TEX15: variants seen among roughly 807,000 people sequenced by gnomAD.
The protein encoded by TEX15 is testis-expressed protein 15.
Under a neutral mutation model 237.3 loss-of-function variants are expected in TEX15, and 171 were observed. That is an observed-to-expected ratio of 0.72 (90% CI 0.64 to 0.82). The LOEUF (loss-of-function observed/expected upper bound fraction) is 0.82, where lower values mean the gene tolerates loss of function less well. Ranked by LOEUF, TEX15 falls within the 40% of genes least tolerant of loss-of-function variation. The probability of loss-of-function intolerance (pLI) is 0.00; values close to 1 mark genes in which losing one functional copy is unlikely to be tolerated. For missense variants in TEX15, 3,750 were observed against 3,646.5 expected (o/e 1.03, Z -0.73); for synonymous variants, 1,338 against 1,269.8 (o/e 1.05, Z -1.14).
intron 4 of TEX15, among the ~76,000 whole-genome samples, chr8:30,870,331 T>C (rs919441567): frequency 5.3e-5 from 8 of 151,988 alleles, no homozygotes; most frequent in African/African-American, 9.7e-5. Context: ...TACAACAAAG[T>C]ATAAGTGCTT....
rs1372442538 is a variant in TEX15 at position 30,848,010 on chromosome 8, G to A, written c.2157C>T (p.Ser719=). 9.3e-6 allele frequency: 15 copies of A among 1,613,790 alleles called. No individual in the cohort carries two copies. The highest frequency in any genetic ancestry group is 1.2e-5 in the Non-Finnish European group (14 of 1,179,836). The change falls in exon 8 of 11, where the codon AGC becomes AGT. Residue 719 remains serine (S), a synonymous_variant. Coordinates refer to ENST00000643185, the MANE Select transcript of TEX15 (RefSeq NM_001350162.2). ...LEWQITPSFE[S]LSQKHPQHSV... ...AGTGCTGAGGATGCTTTTGTGACAG[G>A]CTCTCAAAACTTGGAGTAATTTGCC...
intron 3 of TEX15, among the ~76,000 whole-genome samples, chr8:30,879,262 G>A (rs997224401): frequency 3.3e-5 from 5 of 151,906 alleles, no homozygotes; most frequent in African/African-American, 9.7e-5. Flanking sequence ...AGAGTCTTTC[G>A]CAGAGCAAAA....
chr8:30,838,138 A>T (rs1248031420), intron 9 of TEX15, 77 bp from the exon 10 acceptor site: 4 of 1,284,942 alleles, frequency 3.1e-6, no homozygotes, highest in Non-Finnish European at 4.2e-6. Context: ...TATATATTTG[A>T]AATTTTTATC....
chr8:30,867,110 T>C (rs1488623368), intron 5 of TEX15, among the ~76,000 whole-genome samples, 155 bp downstream of exon 5: 2 of 151,056 alleles, frequency 1.3e-5, no homozygotes, highest in Non-Finnish European at 3.0e-5. Flanking sequence ...AGGAGAAAAT[T>C]TTGAATAATG....
rs569328891 is a variant in TEX15 at position 30,869,327 on chromosome 8, A to T, written c.303-1825T>A. On this transcript the variant is annotated intron_variant, in intron 4 of 10. Coordinates refer to ENST00000643185, the MANE Select transcript of TEX15 (RefSeq NM_001350162.2). ...AACATGTAATTGAAACTGTGCCCCC[A>T]AGAATTAAAGAAACCATTGACTAGC... Among the ~76,000 whole-genome samples the T allele has an allele frequency of 1.2e-4, 19 of 152,160 alleles. No homozygotes were observed. The East Asian group carries it at 3.5e-3, about 28-fold the overall frequency.
rs977929233 is a variant in TEX15, at chr8:30,882,171, G to T, written c.136+4996C>A. Among the ~76,000 whole-genome samples the T allele has an allele frequency of 2.6e-5, 4 of 152,240 alleles. No individual in the cohort carries two copies. The East Asian group carries it at 7.7e-4, about 29-fold the overall frequency. The stretch of plus-strand genomic sequence containing the variant: ...AAGGTCTCACTATGTTTCCCAGGCT[G>T]GTCTCAAATTCCTAGCCTCAAGCAA... On this transcript the variant is annotated intron_variant, in intron 3 of 10. Transcript: ENST00000643185.
At chr8:30,911,593 G>C (rs576678604) in intron 1 of TEX15, among the ~76,000 whole-genome samples, 16 of 152,268 alleles carry the variant, frequency 1.1e-4, no homozygotes, top group Middle Eastern at 3.4e-3. Flanking sequence ...ACCCCCAAAA[G>C]CAATCAGTGC....
At chr8:30,889,665 G>T (rs1036396128) in intron 2 of TEX15, among the ~76,000 whole-genome samples, 5 of 151,892 alleles carry the variant, frequency 3.3e-5, no homozygotes, top group Admixed American at 6.6e-5. Flanking sequence ...CATTAAATAA[G>T]TTGTGCTCAG....
chr8:30,838,721 TATACACACACAC>T, intron 9 of TEX15, among the ~76,000 whole-genome samples: 1 of 144,548 alleles, frequency 6.9e-6, no homozygotes, highest in South Asian at 2.2e-4. Context: ...CACACACATA[TATACACACACAC>T]ATACACACAT....
In TEX15 at chr8:30,847,156, AT is replaced by A; in HGVS notation, c.3010del (p.Ile1004TyrfsTer18). ...ALSLNNDDHQ[I>X]YQFKETCSSE... The stretch of plus-strand genomic sequence containing the variant: ...AGAACAAGTTTCTTTAAACTGGTAT[AT>A]CTGGTGATCGTCATTATTTAGGCTT... On this transcript the variant is annotated frameshift_variant, in exon 8 of 11. Coordinates refer to ENST00000643185, the MANE Select transcript of TEX15 (RefSeq NM_001350162.2). LOFTEE classifies it high-confidence loss of function. 6.2e-7 allele frequency: 1 copy of A among 1,613,944 alleles called. No individual in the cohort carries two copies. Among genetic ancestry groups the A allele is most frequent in the Non-Finnish European group, 8.5e-7 (1 of 1,179,866 alleles).
rs147135850 is a variant in TEX15 at position 30,835,958 on chromosome 8, ACT to A, written c.9481+843_9481+844del. On this transcript the variant is annotated intron_variant, in intron 10 of 10. Transcript: ENST00000643185. ...GAAATTTATTTTCCCACTTTAGTTT[ACT>A]CTGTTTTTCCTCTAATTATCAAAAT... Among the ~76,000 whole-genome samples the A allele has an allele frequency of 1.5e-3, 230 of 152,246 alleles. 3 individuals are homozygous for A. Among genetic ancestry groups the A allele is most frequent in the Admixed American group, 0.01 (159 of 15,294 alleles).
At chr8:30,883,928 G>A (rs1808592463) in intron 3 of TEX15, among the ~76,000 whole-genome samples, 1 of 152,174 alleles carries the variant, frequency 6.6e-6, no homozygotes, top group Non-Finnish European at 1.5e-5. Flanking sequence ...TTGTCACATT[G>A]TCTTCCACAA....
chr8:30,846,118 A>T lies in TEX15; in HGVS notation c.4049T>A (p.Phe1350Tyr). Residue 1350 changes from phenylalanine (F) to tyrosine (Y), a missense_variant, in exon 8 of 11, where the codon TTT becomes TAT. Physicochemically the swap from Phe to Tyr is conservative, Grantham distance 22 (BLOSUM62 3). Transcript: ENST00000643185. ...SSLSQGRIKTFSQSEKHIKSV... is the reference protein window; with the variant it reads ...SSLSQGRIKTYSQSEKHIKSV... ...CTTAATGTGCTTTTCTGACTGTGAA[A>T]ATGTTTTAATTCGTCCTTGGGATAA... is the stretch of plus-strand genomic sequence containing the variant. The T allele has an allele frequency of 3.7e-6, 6 of 1,613,540 alleles. No homozygotes were observed. The highest frequency in any genetic ancestry group is 1.1e-5 in the South Asian group (1 of 91,040).
chr8:30,838,965 G>A (rs1055504571), intron 9 of TEX15, among the ~76,000 whole-genome samples: 6 of 150,886 alleles, frequency 4.0e-5, no homozygotes, highest in Non-Finnish European at 8.9e-5. Flanking sequence ...ACAGGCACCC[G>A]CCACTATGCC....
At chr8:30,890,903 A>G (rs777528055) in intron 2 of TEX15, among the ~76,000 whole-genome samples, 1 of 152,152 alleles carries the variant, frequency 6.6e-6, no homozygotes, top group Non-Finnish European at 1.5e-5. Flanking sequence ...CTTTTTGTCC[A>G]TATTTTCCCA....
At chr8:30,841,562 A>G (rs1320158311) in intron 8 of TEX15, among the ~76,000 whole-genome samples, 2 of 152,230 alleles carry the variant, frequency 1.3e-5, no homozygotes, top group East Asian at 3.8e-4. Context: ...CTTGAAAAAT[A>G]TCTGTCCTAT....
In TEX15 at chr8:30,847,451, T is replaced by C. The variant is rs1284871294; in HGVS notation, c.2716A>G (p.Asn906Asp). ...FSNIDEKEDK[N>D]YHNIEILSSE... The stretch of plus-strand genomic sequence containing the variant: ...CTCAAAATTTCTATATTGTGGTAAT[T>C]TTTGTCCTCCTTTTCATCTATATTG... The change falls in exon 8 of 11, where the codon AAT (asparagine) becomes GAT (aspartate). Residue 906 changes from asparagine to aspartate, a missense_variant. Coordinates refer to ENST00000643185, the MANE Select transcript of TEX15 (RefSeq NM_001350162.2). 6.2e-7 allele frequency: 1 copy of C among 1,611,412 alleles called. No individual in the cohort carries two copies. Among genetic ancestry groups the C allele is most frequent in the Non-Finnish European group, 8.5e-7 (1 of 1,179,434 alleles).
chr8:30,909,894 T>C (rs992527556), intron 1 of TEX15, among the ~76,000 whole-genome samples: 3 of 152,204 alleles, frequency 2.0e-5, no homozygotes, highest in Admixed American at 6.5e-5. Flanking sequence ...ATCCCAACTG[T>C]GCAACACATT....
chr8:30,888,684 G>C, intron 2 of TEX15: 1 of 1,283,456 alleles, frequency 7.8e-7, no homozygotes, highest in Non-Finnish European at 1.0e-6. Flanking sequence ...CAACTGCTTA[G>C]TTCCAACATT....
Sources: gnomAD v4.1 joint callset for allele counts (sites outside exome capture counted in the v4.1 genomes callset) on GRCh38, gnomAD v4.1.1 for gene constraint, MANE v1.5 for transcripts, NCBI Gene and HGNC (gene_info 2026-07-23, HGNC 2026-07-21) for gene names.